DMD: variants seen among roughly 807,000 people sequenced by gnomAD.
DMD encodes mutant dystrophin.
DMD carries 63 observed loss-of-function variants against 330.1 expected under a neutral mutation model. The ratio of observed to expected loss-of-function variants is 0.19; its 90% CI spans 0.16 to 0.24. The LOEUF (loss-of-function observed/expected upper bound fraction) is 0.24. Among genes scored for constraint, DMD ranks in the 10% least tolerant of loss-of-function variants. The probability of loss-of-function intolerance (pLI) is 1.00; values close to 1 mark genes in which losing one functional copy is unlikely to be tolerated. For missense variants in DMD, 3,344 were observed against 2,684.1 expected, an observed-to-expected ratio of 1.25 and a Z score of -5.43; for synonymous variants, 1,223 against 959.8, an observed-to-expected ratio of 1.27 and a Z score of -5.07.
chrX:32,115,328 C>T (rs937969731), intron 44 of DMD, among the ~76,000 whole-genome samples: 11 of 111,679 alleles, frequency 9.8e-5, no homozygotes, highest in African/African-American at 3.6e-4. Context: ...CTTGACTTCC[C>T]AGGCTCAAGT....
intron 13 of DMD, among the ~76,000 whole-genome samples, chrX:32,574,277 A>G (rs2052764721): frequency 8.9e-6 from 1 of 112,241 alleles, no homozygotes; most frequent in South Asian, 3.7e-4. Flanking sequence ...TTGCATAATG[A>G]GAATTGCCTA....
At chrX:33,295,097 A>G (rs1474829371) in intron 1 of DMD, among the ~76,000 whole-genome samples, 3 of 111,714 alleles carry the variant, frequency 2.7e-5, no homozygotes, top group Non-Finnish European at 3.8e-5. Flanking sequence ...TTTTGAGGGC[A>G]TACTATTAAA....
chrX:32,241,157 G>A (rs753414041), intron 43 of DMD, among the ~76,000 whole-genome samples: 8 of 111,866 alleles, frequency 7.2e-5, no homozygotes, highest in Admixed American at 9.4e-5. Flanking sequence ...GTATGTTTTC[G>A]ATTGTCATTT....
intron 1 of DMD, among the ~76,000 whole-genome samples, chrX:33,153,666 A>G (rs181005391): frequency 1.6e-3 from 179 of 112,570 alleles, no homozygotes; most frequent in African/African-American, 5.6e-3. Flanking sequence ...TGTTTAAAGA[A>G]ATTCTGTTAA....
chrX:32,566,257 C>T (rs1033218517), intron 15 of DMD, among the ~76,000 whole-genome samples: 4 of 111,757 alleles, frequency 3.6e-5, no homozygotes, highest in South Asian at 3.7e-4. Context: ...TAATTCCTGA[C>T]GGAATTCAAA....
chrX:31,426,689 C>A (rs768382797), intron 60 of DMD, among the ~76,000 whole-genome samples: 13 of 111,949 alleles, frequency 1.2e-4, no homozygotes, highest in Non-Finnish European at 2.1e-4. Flanking sequence ...AATTTCAGAG[C>A]CCCTCTCAAG....
At chrX:32,888,072 G>T (rs1007283063) in intron 2 of DMD, among the ~76,000 whole-genome samples, 52 of 110,136 alleles carry the variant, frequency 4.7e-4, no homozygotes, top group African/African-American at 1.6e-3. Context: ...CTTTTTTTTT[G>T]AAATAAAAAA....
At chrX:31,383,462 C>G (rs2060286384) in intron 60 of DMD, among the ~76,000 whole-genome samples, 1 of 112,035 alleles carries the variant, frequency 8.9e-6, no homozygotes, top group African/African-American at 3.2e-5. Context: ...GCTGCTGCTA[C>G]TACTACTACT....
In DMD at chrX:31,122,074, G is replaced by A. The variant is rs904723079; in HGVS notation, c.11047-144C>T. 6.0e-6 allele frequency: 3 copies of A among 503,045 alleles called. No homozygotes were observed. In the African/African-American group the frequency reaches 7.3e-5, roughly 12 times the overall value. 41.5% of individuals were successfully genotyped at this position (503,045 alleles called of 1,213,427 possible). A position where few individuals can be genotyped will look rare whatever the true frequency, so the allele number is the denominator to read the frequency against. On this transcript the variant is annotated intron_variant, in intron 78 of 78. Transcript: ENST00000357033. ...CTGCATCGAGGGTGTACACAACAAGGTTTGATTTTTCACCAGTTTCCAGGA... is the reference window on the plus strand; with the variant it reads ...CTGCATCGAGGGTGTACACAACAAGATTTGATTTTTCACCAGTTTCCAGGA...
chrX:32,585,599 C>G, intron 13 of DMD, among the ~76,000 whole-genome samples: 1 of 97,225 alleles, frequency 1.0e-5, no homozygotes, highest in Non-Finnish European at 2.0e-5. Context: ...ACTCGGGAGT[C>G]TGAGGTAGGA....
intron 1 of DMD, among the ~76,000 whole-genome samples, chrX:33,098,745 G>C (rs1450345046): frequency 9.0e-6 from 1 of 111,546 alleles, no homozygotes; most frequent in African/African-American, 3.3e-5. Context: ...GTTTTGCCAC[G>C]AGAGTACACC....
At chrX:32,631,048 G>T (rs979314151) in intron 11 of DMD, among the ~76,000 whole-genome samples, 1 of 112,048 alleles carries the variant, frequency 8.9e-6, no homozygotes, top group African/African-American at 3.2e-5. Flanking sequence ...ATGCACTGGG[G>T]TGCACCCAAG....
At chrX:32,867,081 A>G (rs1172384215) in intron 2 of DMD, among the ~76,000 whole-genome samples, 1 of 110,247 alleles carries the variant, frequency 9.1e-6, no homozygotes, top group African/African-American at 3.3e-5. Context: ...TTAGTGTTTA[A>G]CTCTTCTGTT....
rs142504442 is a variant in DMD, at chrX:31,666,982, C to T, written c.7873-8838G>A. Among the ~76,000 whole-genome samples, 968 of 112,071 alleles carry T rather than the reference C, an allele frequency of 8.6e-3. 12 individuals carry two copies. The highest frequency in any genetic ancestry group is 0.029 in the African/African-American group (910 of 30,903). ...ACATGCAGATATACTTTTTAACATA[C>T]CATAAAATTCTCCCACTTAAAGTGC... On this transcript the variant is annotated intron_variant, in intron 53 of 78. Transcript: ENST00000357033.
intron 52 of DMD, among the ~76,000 whole-genome samples, chrX:31,700,837 A>C (rs930148030): frequency 1.8e-5 from 2 of 112,095 alleles, no homozygotes; most frequent in Non-Finnish European, 3.8e-5. Flanking sequence ...CTATGCAAAA[A>C]TATTTCAGTT....
chrX:31,342,286 T>A (rs976752481), intron 61 of DMD, among the ~76,000 whole-genome samples: 1 of 111,630 alleles, frequency 9.0e-6, no homozygotes, highest in South Asian at 3.7e-4. Context: ...TTAGCAGAAA[T>A]TTTTTGTCAT....
At chrX:32,862,726 G>A (rs1375262155) in intron 2 of DMD, among the ~76,000 whole-genome samples, 1 of 110,805 alleles carries the variant, frequency 9.0e-6, no homozygotes, top group East Asian at 2.8e-4. Flanking sequence ...CTATAAAATT[G>A]AACATTCTGA....
chrX:32,465,376 T>C (rs1243720159), intron 23 of DMD, among the ~76,000 whole-genome samples: 1 of 111,279 alleles, frequency 9.0e-6, no homozygotes, highest in Non-Finnish European at 1.9e-5. Context: ...TGTGTTATTT[T>C]CTTCTGTTTT....
At chrX:33,298,330 G>A (rs1384600556) in intron 1 of DMD, among the ~76,000 whole-genome samples, 4 of 111,504 alleles carry the variant, frequency 3.6e-5, no homozygotes, top group Non-Finnish European at 5.7e-5. Flanking sequence ...TTAATCTTCA[G>A]TGATGGAAAA....
Sources: allele counts gnomAD v4.1 joint callset (sites outside exome capture counted in the v4.1 genomes callset), GRCh38; gene constraint gnomAD v4.1.1; transcripts MANE v1.5; gene names NCBI Gene and HGNC (gene_info 2026-07-23, HGNC 2026-07-21).